PRR16: variants seen among roughly 807,000 people sequenced by gnomAD.
The protein encoded by PRR16 is proline rich 16, also known as protein Largen.
In PRR16, 6 loss-of-function variants were observed where a neutral mutation model predicts 18.2. That is an observed-to-expected ratio of 0.33 (90% CI 0.18 to 0.65). The LOEUF is 0.65. Among genes scored for constraint, PRR16 ranks in the 30% least tolerant of loss-of-function variants. The pLI, the probability that PRR16 is intolerant of heterozygous loss-of-function variation, is 0.74. For missense variants in PRR16, 412 were observed against 376.6 expected (o/e 1.09, Z -0.78); for synonymous variants, 151 against 147.8 (o/e 1.02, Z -0.16).
rs536637943 is a variant in PRR16, at chr5:120,644,505, C to A, written c.160-41449C>A. Among the ~76,000 whole-genome samples, 7 of 152,214 alleles carry A rather than the reference C, an allele frequency of 4.6e-5. No homozygotes were observed. In the South Asian group the frequency reaches 1.4e-3, roughly 32 times the overall value. ...GATACATGGTGAAGGTTAACACAGA[C>A]AGGGAGTGCAAACAGGACTTTGCAA... is the stretch of plus-strand genomic sequence containing the variant. On this transcript the variant is annotated intron_variant, in intron 1 of 1. Transcript: ENST00000407149.
At chr5:120,582,133 G>A (rs1305576011) in intron 1 of PRR16, among the ~76,000 whole-genome samples, 1 of 152,076 alleles carries the variant, frequency 6.6e-6, no homozygotes, top group East Asian at 1.9e-4. Flanking sequence ...CAATAAAAAC[G>A]ATGAAATCAC....
chr5:120,604,476 A>G (rs909628950), intron 1 of PRR16, among the ~76,000 whole-genome samples: 1 of 152,088 alleles, frequency 6.6e-6, no homozygotes, highest in Non-Finnish European at 1.5e-5. Context: ...AAGACAGCAT[A>G]CAGTTGGTCT....
At chr5:120,473,631 C>A (rs565013960) in intron 1 of PRR16, among the ~76,000 whole-genome samples, 1 of 152,134 alleles carries the variant, frequency 6.6e-6, no homozygotes, top group South Asian at 2.1e-4. Context: ...TTGTCTGAGC[C>A]CCTTTATTCA....
chr5:120,559,480 G>T (rs896426335), intron 1 of PRR16, among the ~76,000 whole-genome samples: 59 of 151,760 alleles, frequency 3.9e-4, no homozygotes, highest in African/African-American at 1.4e-3. Context: ...GTGTGGATTT[G>T]TTTCTGGGGT....
chr5:120,683,859 G>A (rs1757042547), intron 1 of PRR16, among the ~76,000 whole-genome samples: 2 of 151,586 alleles, frequency 1.3e-5, no homozygotes, highest in Admixed American at 1.3e-4. Context: ...CTTTATCACA[G>A]GAGAAATGAG....
chr5:120,708,888 C>T, the PRR16 span, among the ~76,000 whole-genome samples: 1 of 150,060 alleles, frequency 6.7e-6, no homozygotes, highest in Admixed American at 6.7e-5. Flanking sequence ...ACAGATGATG[C>T]AAAAACTTGT....
rs1190648403 is a variant in PRR16 at position 120,687,190 on chromosome 5, A to G, written c.*481A>G. The G allele has an allele frequency of 6.6e-6, 1 of 152,592 alleles. No individual in the cohort carries two copies. The highest frequency in any genetic ancestry group is 1.5e-5 in the Non-Finnish European group (1 of 68,112). The allele number at this position is 152,592 out of a possible 1,614,324, so 9.5% of individuals were successfully genotyped here. A position where few individuals can be genotyped will look rare whatever the true frequency, so the allele number is the denominator to read the frequency against. The stretch of plus-strand genomic sequence containing the variant: ...ATTATTAAATGCTGAGGCCAATACC[A>G]AGAAGTTTATTTTCTATATTATACA... On this transcript the variant is annotated 3_prime_UTR_variant, in exon 2 of 2. Transcript: ENST00000407149.
intron 1 of PRR16, among the ~76,000 whole-genome samples, chr5:120,490,725 A>G (rs1446521405): frequency 6.7e-6 from 1 of 150,176 alleles, no homozygotes; most frequent in Non-Finnish European, 1.5e-5. Context: ...GAGGAGAGGC[A>G]CTCTGATTTT....
chr5:120,587,216 A>G (rs1336596520), intron 1 of PRR16, among the ~76,000 whole-genome samples: 5 of 152,238 alleles, frequency 3.3e-5, no homozygotes, highest in African/African-American at 9.6e-5. Context: ...AAGGAAATAA[A>G]CAATTTCTAT....
At chr5:120,643,133 T>G (rs1435469729) in intron 1 of PRR16, among the ~76,000 whole-genome samples, 1 of 151,880 alleles carries the variant, frequency 6.6e-6, no homozygotes, top group African/African-American at 2.4e-5. Context: ...AGAATTCAAA[T>G]GTAAGCTTAT....
chr5:120,648,435 A>G (rs1055693737), intron 1 of PRR16, among the ~76,000 whole-genome samples: 4 of 152,090 alleles, frequency 2.6e-5, no homozygotes, highest in Non-Finnish European at 5.9e-5. Context: ...TGTTTGTTCC[A>G]CCACCAGTAT....
At chr5:120,745,147 C>T in the PRR16 span, among the ~76,000 whole-genome samples, 1 of 152,162 alleles carries the variant, frequency 6.6e-6, no homozygotes, top group Non-Finnish European at 1.5e-5. Flanking sequence ...GATTTTAGGG[C>T]ACTGTGCTGA....
At chr5:120,740,728 A>T in the PRR16 span, among the ~76,000 whole-genome samples, 103 of 152,300 alleles carry the variant, frequency 6.8e-4, no homozygotes, top group African/African-American at 2.3e-3. Context: ...AATCCTCAAA[A>T]AAGTTCATAG....
chr5:120,668,032 C>A (rs1756457018), intron 1 of PRR16, among the ~76,000 whole-genome samples: 1 of 152,088 alleles, frequency 6.6e-6, no homozygotes, highest in Non-Finnish European at 1.5e-5. Context: ...TCTCGTGGAT[C>A]TGTCTAATGT....
At chr5:120,668,972 G>A (rs1469894227) in intron 1 of PRR16, among the ~76,000 whole-genome samples, 3 of 152,102 alleles carry the variant, frequency 2.0e-5, no homozygotes, top group African/African-American at 7.2e-5. Flanking sequence ...TCTGCAAAGG[G>A]CATGCCCTAT....
the PRR16 span, among the ~76,000 whole-genome samples, chr5:120,703,006 G>A: frequency 6.6e-6 from 1 of 152,216 alleles, no homozygotes; most frequent in Admixed American, 6.5e-5. Context: ...CTTTGTGTGA[G>A]CAACATGGCT....
At chr5:120,569,840 A>T (rs1312836496) in intron 1 of PRR16, among the ~76,000 whole-genome samples, 1 of 152,178 alleles carries the variant, frequency 6.6e-6, no homozygotes, top group East Asian at 1.9e-4. Flanking sequence ...ACATCTGAGT[A>T]AAGGGTTGAT....
the PRR16 span, among the ~76,000 whole-genome samples, chr5:120,734,522 C>T: frequency 2.0e-5 from 3 of 147,166 alleles, no homozygotes; most frequent in Non-Finnish European, 4.5e-5. Context: ...ACATGAAAGA[C>T]AGTAAGAATG....
At chr5:120,524,557 G>A (rs1751291019) in intron 1 of PRR16, among the ~76,000 whole-genome samples, 1 of 151,980 alleles carries the variant, frequency 6.6e-6, no homozygotes, top group Non-Finnish European at 1.5e-5. Flanking sequence ...GGGAGGAAGT[G>A]GGGATGGTTA....
Sources: allele counts gnomAD v4.1 joint callset (sites outside exome capture counted in the v4.1 genomes callset), GRCh38; gene constraint gnomAD v4.1.1; transcripts MANE v1.5; gene names NCBI Gene and HGNC (gene_info 2026-07-23, HGNC 2026-07-21).